The following PCP4 variants were observed in gnomAD, a reference collection of about 807,000 sequenced individuals.
PCP4 encodes the protein Purkinje cell protein 4.
In PCP4, 8 loss-of-function variants were observed where a neutral mutation model predicts 10.0. The observed-to-expected ratio is 0.80, with a 90% CI of 0.47 to 1.45. PCP4 has a LOEUF of 1.45. Among genes scored for constraint, PCP4 ranks in the 40% most tolerant of loss-of-function variants. The pLI, the probability that PCP4 is intolerant of heterozygous loss-of-function variation, is 0.00. For synonymous variants in PCP4, 21 were observed against 23.0 expected, an observed-to-expected ratio of 0.91 and a Z score of 0.24; for missense variants, 54 against 74.4, an observed-to-expected ratio of 0.73 and a Z score of 1.01.
chr21:39,917,343 C>T (rs1340561209), intron 2 of PCP4, among the ~76,000 whole-genome samples: 1 of 152,174 alleles, frequency 6.6e-6, no homozygotes, highest in Non-Finnish European at 1.5e-5. Flanking sequence ...GGTTGGCTGG[C>T]CCCTGATGCG....
At chr21:39,925,338 G>A (rs558055914) in intron 2 of PCP4, among the ~76,000 whole-genome samples, 4 of 152,288 alleles carry the variant, frequency 2.6e-5, no homozygotes, top group South Asian at 4.1e-4. Context: ...GGAGGGTACC[G>A]TGCTTGTTTA....
chr21:39,886,232 T>TA (rs2087400024), intron 1 of PCP4, among the ~76,000 whole-genome samples: 1 of 152,176 alleles, frequency 6.6e-6, no homozygotes, highest in South Asian at 2.1e-4. Flanking sequence ...AAAGTGGTAG[T>TA]AGCTCTGCCC....
chr21:39,892,585 T>C (rs558034324), intron 1 of PCP4, among the ~76,000 whole-genome samples: 89 of 152,270 alleles, frequency 5.8e-4, no homozygotes, highest in African/African-American at 2.0e-3. Flanking sequence ...TTTTTGTGGG[T>C]ACATAGTAGG....
intron 1 of PCP4, among the ~76,000 whole-genome samples, chr21:39,891,673 A>G (rs1284980647): frequency 6.6e-6 from 1 of 152,242 alleles, no homozygotes; most frequent in Non-Finnish European, 1.5e-5. Context: ...TGCATACAAG[A>G]CAAGGGGGCA....
intron 2 of PCP4, among the ~76,000 whole-genome samples, chr21:39,924,802 T>TA (rs1475455908): frequency 2.0e-5 from 3 of 152,222 alleles, no homozygotes; most frequent in Admixed American, 6.5e-5. Flanking sequence ...CTGAATGTGC[T>TA]GAGATTACCG....
In PCP4 at chr21:39,929,175, A is replaced by G. The variant is rs762716571; in HGVS notation, c.*64A>G. 2.6e-6 allele frequency: 4 copies of G among 1,533,116 alleles called. No homozygotes were observed. In the East Asian group the frequency reaches 6.8e-5, roughly 26 times the overall value. The allele number at this position is 1,533,116 out of a possible 1,614,324, so 95.0% of individuals were successfully genotyped here. ...TTCAACCATCATCTGTCAAGAAATT[A>G]AAAGAACAACACCCTAGAGAGAAGT... On this transcript the variant is annotated 3_prime_UTR_variant, in exon 3 of 3. Transcript: ENST00000328619.
intron 1 of PCP4, among the ~76,000 whole-genome samples, chr21:39,868,399 A>C (rs1217081546): frequency 6.6e-6 from 1 of 152,220 alleles, no homozygotes. Context: ...TAACAACTTC[A>C]GAAATAAAAT....
Position 39,927,365 on chromosome 21 carries a change from CTATCATCTATCTATCT to C in PCP4, c.62-1618_62-1603del, listed in dbSNP as rs1465531395. Among the ~76,000 whole-genome samples the C allele has an allele frequency of 2.7e-3, 377 of 138,216 alleles. 6 individuals carry two copies. In the South Asian group the frequency reaches 0.036, roughly 13 times the overall value. The allele number at this position is 138,216 out of a possible 152,430, so 90.7% of individuals were successfully genotyped here. A position where few individuals can be genotyped will look rare whatever the true frequency, so the allele number is the denominator to read the frequency against. ...TCTATCTATCTATCTATCTATCTAT[CTATCATCTATCTATCT>C]ATCTATCTATCATCATCTATCTAGA... On this transcript the variant is annotated intron_variant, in intron 2 of 2. Coordinates refer to ENST00000328619, the MANE Select transcript of PCP4 (RefSeq NM_006198.3).
At chr21:39,912,719 T>G (rs1297032824) in intron 2 of PCP4, among the ~76,000 whole-genome samples, 3 of 152,178 alleles carry the variant, frequency 2.0e-5, no homozygotes, top group African/African-American at 7.2e-5. Context: ...ATTTTTATTT[T>G]TATTTTTTAG....
intron 2 of PCP4, among the ~76,000 whole-genome samples, chr21:39,910,777 T>C (rs2087536023): frequency 6.6e-6 from 1 of 152,364 alleles, no homozygotes; most frequent in African/African-American, 2.4e-5. Flanking sequence ...CCTCGCCCTT[T>C]AGCCATTTCC....
chr21:39,877,865 C>G (rs2087353871), intron 1 of PCP4, among the ~76,000 whole-genome samples: 1 of 152,180 alleles, frequency 6.6e-6, no homozygotes, highest in Non-Finnish European at 1.5e-5. Flanking sequence ...GAAGAGCATT[C>G]TGAACCCTAA....
At chr21:39,919,880 G>A (rs757755533) in intron 2 of PCP4, among the ~76,000 whole-genome samples, 13 of 149,718 alleles carry the variant, frequency 8.7e-5, no homozygotes, top group East Asian at 2.0e-4. Context: ...GTATGAGTGC[G>A]TGTGGTGAGG....
chr21:39,869,607 A>G (rs550622276), intron 1 of PCP4, among the ~76,000 whole-genome samples: 1 of 152,008 alleles, frequency 6.6e-6, no homozygotes, highest in African/African-American at 2.4e-5. Flanking sequence ...CCCTCTGACC[A>G]TCAGCATGGC....
At chr21:39,908,519 G>A (rs1429546694) in intron 2 of PCP4, among the ~76,000 whole-genome samples, 1 of 152,184 alleles carries the variant, frequency 6.6e-6, no homozygotes, top group East Asian at 1.9e-4. Flanking sequence ...GCTGGGGTTT[G>A]TCAGACCAGG....
At chr21:39,887,440 A>G (rs1015507325) in intron 1 of PCP4, among the ~76,000 whole-genome samples, 1 of 151,860 alleles carries the variant, frequency 6.6e-6, no homozygotes, top group African/African-American at 2.4e-5. Context: ...TTAATGCTCA[A>G]TTTTTGGAAT....
chr21:39,894,376 T>C (rs1404258227), intron 1 of PCP4, among the ~76,000 whole-genome samples: 1 of 152,210 alleles, frequency 6.6e-6, no homozygotes, highest in Non-Finnish European at 1.5e-5. Context: ...AGAAGATATC[T>C]GCTGACAAAT....
intron 2 of PCP4, among the ~76,000 whole-genome samples, chr21:39,925,292 G>A (rs2146352270): frequency 6.6e-6 from 1 of 152,308 alleles, no homozygotes; most frequent in South Asian, 2.1e-4. Context: ...TGAGGACAAG[G>A]ACTCGCCTCA....
At chr21:39,919,046 T>G (rs2299787) in intron 2 of PCP4, among the ~76,000 whole-genome samples, 137,677 of 152,248 alleles carry the variant, frequency 0.9, 62,452 homozygotes, top group Middle Eastern at 0.95. Flanking sequence ...ACTAGACGCC[T>G]TATTCTCTGA....
chr21:39,886,549 G>A (rs996797424), intron 1 of PCP4, among the ~76,000 whole-genome samples: 1 of 152,176 alleles, frequency 6.6e-6, no homozygotes, highest in Admixed American at 6.5e-5. Flanking sequence ...AGGTTGCAGT[G>A]AGCCAAGATC....
Sources: allele counts gnomAD v4.1 joint callset (sites outside exome capture counted in the v4.1 genomes callset), GRCh38; gene constraint gnomAD v4.1.1; transcripts MANE v1.5; gene names NCBI Gene and HGNC (gene_info 2026-07-23, HGNC 2026-07-21).